ST18: variants seen among roughly 807,000 people sequenced by gnomAD.
ST18 encodes the protein suppression of tumorigenicity 18 protein.
In ST18, 50 loss-of-function variants were observed where a neutral mutation model predicts 110.0. The ratio of observed to expected loss-of-function variants is 0.45; its 90% CI spans 0.36 to 0.58. The LOEUF (loss-of-function observed/expected upper bound fraction) is 0.58, where lower values mean the gene tolerates loss of function less well. Among genes scored for constraint, ST18 ranks in the 20% least tolerant of loss-of-function variants. The pLI, the probability that ST18 is intolerant of heterozygous loss-of-function variation, is 0.00. For missense variants in ST18, 1,306 were observed against 1,280.1 expected, an observed-to-expected ratio of 1.02 and a Z score of -0.31; for synonymous variants, 461 against 452.4, an observed-to-expected ratio of 1.02 and a Z score of -0.24.
At chr8:52,332,487 G>A (rs1317633204) in intron 2 of ST18, among the ~76,000 whole-genome samples, 1 of 130,616 alleles carries the variant, frequency 7.7e-6, no homozygotes, top group Non-Finnish European at 1.6e-5. Flanking sequence ...TAGAAGGCAT[G>A]TTAAAGATAC....
chr8:52,258,677 G>C (rs1009702235), intron 2 of ST18, among the ~76,000 whole-genome samples: 1 of 152,064 alleles, frequency 6.6e-6, no homozygotes, highest in African/African-American at 2.4e-5. Flanking sequence ...TCTGCAAATG[G>C]AAATACTTTT....
At chr8:52,251,491 A>G (rs187522111) in intron 2 of ST18, among the ~76,000 whole-genome samples, 329 of 152,218 alleles carry the variant, frequency 2.2e-3, no homozygotes, top group African/African-American at 7.6e-3. Flanking sequence ...ACTGAGATTT[A>G]CTTTAAATTT....
At chr8:52,350,313 T>G (rs538447319) in intron 2 of ST18, among the ~76,000 whole-genome samples, 3 of 152,296 alleles carry the variant, frequency 2.0e-5, no homozygotes, top group African/African-American at 7.2e-5. Context: ...AGAGACTGTT[T>G]CCCAAAAATC....
At chr8:52,175,014 A>G (rs1278767886) in intron 9 of ST18, among the ~76,000 whole-genome samples, 1 of 152,092 alleles carries the variant, frequency 6.6e-6, no homozygotes, top group Non-Finnish European at 1.5e-5. Context: ...TGCCTCTGCC[A>G]CTGAACTGAC....
intron 2 of ST18, among the ~76,000 whole-genome samples, chr8:52,244,519 C>T (rs41346747): frequency 0.014 from 2,102 of 152,178 alleles, 33 homozygotes; most frequent in African/African-American, 0.049. Context: ...AAATACATCA[C>T]AGAAACTAGG....
chr8:52,160,229 G>A (rs1280418719), intron 14 of ST18, among the ~76,000 whole-genome samples: 1 of 152,172 alleles, frequency 6.6e-6, no homozygotes, highest in African/African-American at 2.4e-5. Flanking sequence ...TGCATGGATA[G>A]ATAGATATAA....
chr8:52,380,428 G>C (rs185132957), intron 2 of ST18, among the ~76,000 whole-genome samples: 1 of 151,964 alleles, frequency 6.6e-6, no homozygotes, highest in South Asian at 2.1e-4. Context: ...GTTAAGTTTG[G>C]GGGGAGTGGA....
chr8:52,333,126 A>G (rs1239031987), intron 2 of ST18, among the ~76,000 whole-genome samples: 3 of 151,144 alleles, frequency 2.0e-5, no homozygotes, highest in African/African-American at 4.9e-5. Flanking sequence ...GAGAGACTCA[A>G]CTTTGCTTTG....
At chr8:52,190,279 C>T (rs2074037518) in intron 8 of ST18, among the ~76,000 whole-genome samples, 1 of 152,134 alleles carries the variant, frequency 6.6e-6, no homozygotes, top group Non-Finnish European at 1.5e-5. Flanking sequence ...TATGTATATG[C>T]AAATATTCCA....
chr8:52,366,088 C>T (rs1827828279), intron 2 of ST18, among the ~76,000 whole-genome samples: 1 of 152,122 alleles, frequency 6.6e-6, no homozygotes, highest in Admixed American at 6.5e-5. Flanking sequence ...AGAGGACACA[C>T]AACTTGTCCA....
chr8:52,277,106 C>T (rs986041458), intron 2 of ST18, among the ~76,000 whole-genome samples: 2 of 152,218 alleles, frequency 1.3e-5, no homozygotes, highest in Admixed American at 6.5e-5. Flanking sequence ...TGTTGGAGAC[C>T]TCTTAGGTCA....
intron 2 of ST18, among the ~76,000 whole-genome samples, chr8:52,357,723 A>ATATATATATT (rs1823733507): frequency 1.3e-4 from 10 of 78,060 alleles, no homozygotes; most frequent in African/African-American, 8.5e-4. Flanking sequence ...ATATATATAT[A>ATATATATATT]TATATATAAA....
intron 17 of ST18, among the ~76,000 whole-genome samples, chr8:52,140,152 G>T (rs1219723484): frequency 1.3e-5 from 2 of 152,214 alleles, no homozygotes; most frequent in African/African-American, 4.8e-5. Context: ...GACATGGAAT[G>T]TAGTATGACT....
chr8:52,147,185 G>C (rs190457727), intron 16 of ST18, among the ~76,000 whole-genome samples: 1 of 152,282 alleles, frequency 6.6e-6, no homozygotes, highest in Admixed American at 6.5e-5. Context: ...CCCATCTTGT[G>C]TGTGTGAATT....
At chr8:52,378,038 T>C (rs1236023907) in intron 2 of ST18, among the ~76,000 whole-genome samples, 5 of 152,182 alleles carry the variant, frequency 3.3e-5, no homozygotes, top group Non-Finnish European at 7.4e-5. Flanking sequence ...TACTCACTTA[T>C]TCGTGGGAGA....
At chr8:52,113,457 T>C in intron 25 of ST18, 119 bp from the exon 26 acceptor site, 1 of 1,157,336 alleles carries the variant, frequency 8.6e-7, no homozygotes, top group Non-Finnish European at 1.2e-6. Flanking sequence ...AGGGTGCATA[T>C]GACTGCTGGG....
At chr8:52,130,164 A>AAAGAAAGAAAGAAAGAAAGAAAGAG (rs1563565042) in intron 22 of ST18, among the ~76,000 whole-genome samples, 3 of 122,836 alleles carry the variant, frequency 2.4e-5, no homozygotes, top group African/African-American at 9.4e-5. Flanking sequence ...AGAAAGAAAG[A>AAAGAAAGAAAGAAAGAAAGAAAGAG]AAAAGAAAAG....
In ST18 at chr8:52,116,346, G is replaced by T. The variant is rs776362008; in HGVS notation, c.2932C>A (p.Leu978Met). 1.2e-6 allele frequency: 2 copies of T among 1,614,006 alleles called. No individual in the cohort carries two copies. The highest frequency in any genetic ancestry group is 1.7e-6 in the Non-Finnish European group (2 of 1,179,942). ...CTTAGACCTGCCAGCTCTTTCAGCA[G>T]ACTTTCATTGTTCTGTTCTATGAGT... The part of the protein sequence containing the change: ...NKLIEQNNES[L>M]LKELAGLSQA... The change falls in exon 25 of 26, where the codon CTG becomes ATG. Residue 978 changes from leucine to methionine, a missense_variant. Physicochemically the swap from Leu to Met is conservative, Grantham distance 15. Transcript: ENST00000689386.
chr8:52,351,771 A>G (rs1008266422), intron 2 of ST18, among the ~76,000 whole-genome samples: 6 of 152,212 alleles, frequency 3.9e-5, no homozygotes, highest in Non-Finnish European at 7.3e-5. Flanking sequence ...CCATCGATCT[A>G]GCTTTGATTT....
Sources: allele counts gnomAD v4.1 joint callset (sites outside exome capture counted in the v4.1 genomes callset), GRCh38; gene constraint gnomAD v4.1.1; transcripts MANE v1.5; gene names NCBI Gene and HGNC (gene_info 2026-07-23, HGNC 2026-07-21).